Variants in PTPRN2 observed in about 807,000 individuals in gnomAD.
PTPRN2 encodes protein tyrosine phosphatase receptor type N2, also known as receptor-type tyrosine-protein phosphatase N2.
PTPRN2 carries 74 observed loss-of-function variants against 118.8 expected under a neutral mutation model. The observed-to-expected ratio is 0.62, with a 90% CI of 0.52 to 0.76. The LOEUF (loss-of-function observed/expected upper bound fraction) is 0.76, where lower values mean the gene tolerates loss of function less well. PTPRN2 is among the 30% of genes least tolerant of loss of function. PTPRN2 has a pLI of 0.00. For missense variants in PTPRN2, 1,481 were observed against 1,394.4 expected, an observed-to-expected ratio of 1.06 and a Z score of -0.99; for synonymous variants, 641 against 608.0, an observed-to-expected ratio of 1.05 and a Z score of -0.80.
chr7:157,748,397 GT>G (rs1801167770), intron 12 of PTPRN2, among the ~76,000 whole-genome samples: 1 of 150,024 alleles, frequency 6.7e-6, no homozygotes, highest in South Asian at 2.1e-4. Context: ...TGAGGCCTGC[GT>G]CCCTGAGCTG....
intron 2 of PTPRN2, among the ~76,000 whole-genome samples, chr7:158,369,294 T>C (rs990554080): frequency 1.7e-4 from 21 of 126,846 alleles, no homozygotes; most frequent in Non-Finnish European, 2.7e-4. Flanking sequence ...CACACACATA[T>C]ATATACCTAT....
chr7:157,911,787 TG>T (rs1051441630), intron 11 of PTPRN2, among the ~76,000 whole-genome samples: 3 of 152,174 alleles, frequency 2.0e-5, no homozygotes, highest in African/African-American at 7.2e-5. Flanking sequence ...TTTTCACCTA[TG>T]TGTGTATCCC....
chr7:158,372,188 G>C (rs1810055438), intron 2 of PTPRN2, among the ~76,000 whole-genome samples: 1 of 149,514 alleles, frequency 6.7e-6, no homozygotes, highest in Non-Finnish European at 1.5e-5. Context: ...CCCAGAGCTG[G>C]ACCCCCAACG....
chr7:158,263,224 C>T (rs1405537559), intron 3 of PTPRN2, among the ~76,000 whole-genome samples: 1 of 152,212 alleles, frequency 6.6e-6, no homozygotes. Flanking sequence ...TGTGCACCCG[C>T]ATGTGCCTAC....
chr7:158,333,862 G>A (rs370983927), intron 2 of PTPRN2, among the ~76,000 whole-genome samples: 18 of 136,314 alleles, frequency 1.3e-4, no homozygotes, highest in East Asian at 9.6e-4. Flanking sequence ...ACCCGCAGAC[G>A]TCACTCACAC....
intron 14 of PTPRN2, among the ~76,000 whole-genome samples, chr7:157,643,299 G>A (rs2150700414): frequency 6.6e-6 from 1 of 152,300 alleles, no homozygotes; most frequent in South Asian, 2.1e-4. Context: ...AAAACTTGGA[G>A]AGACTGAAAA....
At chr7:157,894,162 C>T (rs1170077330) in intron 12 of PTPRN2, among the ~76,000 whole-genome samples, 4 of 152,188 alleles carry the variant, frequency 2.6e-5, no homozygotes, top group East Asian at 1.9e-4. Flanking sequence ...ACACGCACAT[C>T]GAAATCCCGC....
intron 2 of PTPRN2, among the ~76,000 whole-genome samples, chr7:158,469,122 T>TGCA (rs1301344649): frequency 6.6e-6 from 1 of 151,820 alleles, no homozygotes; most frequent in Admixed American, 6.6e-5. Flanking sequence ...ATCAACAGTG[T>TGCA]CAGGCTTTCA....
At chr7:158,145,986 T>C (rs891938223) in intron 6 of PTPRN2, among the ~76,000 whole-genome samples, 1 of 152,194 alleles carries the variant, frequency 6.6e-6, no homozygotes, top group African/African-American at 2.4e-5. Context: ...CCCAGCATAC[T>C]GTAAGTGCTT....
At chr7:158,122,685 AAGAGAAACCGAGGCT>A (rs1046920540) in intron 9 of PTPRN2, among the ~76,000 whole-genome samples, 2 of 152,230 alleles carry the variant, frequency 1.3e-5, no homozygotes, top group African/African-American at 4.8e-5. Context: ...CCTCATTTAA[AAGAGAAACCGAGGCT>A]AGAGAAACTA....
At chr7:157,698,460 C>G (rs1054613205) in intron 12 of PTPRN2, among the ~76,000 whole-genome samples, 16 of 152,202 alleles carry the variant, frequency 1.1e-4, no homozygotes, top group Admixed American at 3.3e-4. Flanking sequence ...AAACCACGTG[C>G]TTATAAACCA....
chr7:158,379,594 CACAG>C (rs779361025), intron 2 of PTPRN2, among the ~76,000 whole-genome samples: 2 of 151,772 alleles, frequency 1.3e-5, no homozygotes, highest in African/African-American at 2.4e-5. Context: ...TAAGAAATAG[CACAG>C]ACAAAGATGG....
chr7:158,167,895 A>C (rs936761089), intron 5 of PTPRN2, among the ~76,000 whole-genome samples: 4 of 152,250 alleles, frequency 2.6e-5, no homozygotes, highest in Admixed American at 6.5e-5. Context: ...CATTTTAAAA[A>C]TTCACCTATC....
chr7:158,192,714 G>T (rs904254816), intron 4 of PTPRN2, among the ~76,000 whole-genome samples: 2 of 152,178 alleles, frequency 1.3e-5, no homozygotes, highest in Non-Finnish European at 2.9e-5. Flanking sequence ...TCGTGGTTGT[G>T]GGGATGGACG....
At chr7:157,875,541 G>T (rs1409972784) in intron 12 of PTPRN2, among the ~76,000 whole-genome samples, 1 of 152,232 alleles carries the variant, frequency 6.6e-6, no homozygotes, top group Non-Finnish European at 1.5e-5. Flanking sequence ...CAGCAGACAG[G>T]GTGACTCCAA....
chr7:158,349,986 C>G (rs1283321129), intron 2 of PTPRN2, among the ~76,000 whole-genome samples: 1 of 152,166 alleles, frequency 6.6e-6, no homozygotes, highest in African/African-American at 2.4e-5. Context: ...CCTTTGCAGA[C>G]TAGGTCACAG....
At chr7:158,104,311 A>T (rs1815486034) in intron 10 of PTPRN2, among the ~76,000 whole-genome samples, 1 of 152,206 alleles carries the variant, frequency 6.6e-6, no homozygotes, top group African/African-American at 2.4e-5. Context: ...GGTGAATCTC[A>T]GGCTCAAAGA....
intron 13 of PTPRN2, among the ~76,000 whole-genome samples, chr7:157,656,884 C>CA (rs1806154339): frequency 7.1e-6 from 1 of 141,360 alleles, no homozygotes; most frequent in African/African-American, 2.7e-5. Context: ...CACACATACA[C>CA]CACACACACC....
At chr7:158,473,924 T>G (rs918762019) in intron 2 of PTPRN2, among the ~76,000 whole-genome samples, 1 of 152,206 alleles carries the variant, frequency 6.6e-6, no homozygotes, top group African/African-American at 2.4e-5. Context: ...GGGGCTGATA[T>G]CTAATTTACT....
Sources: gnomAD v4.1 joint callset for allele counts (sites outside exome capture counted in the v4.1 genomes callset) on GRCh38, gnomAD v4.1.1 for gene constraint, MANE v1.5 for transcripts, NCBI Gene and HGNC (gene_info 2026-07-23, HGNC 2026-07-21) for gene names.